CYP46A1: variants seen among roughly 807,000 people sequenced by gnomAD.
CYP46A1 encodes the protein cytochrome P450 family 46 subfamily A member 1, also known as cholesterol 24-hydroxylase.
CYP46A1 carries 20 observed loss-of-function variants against 63.3 expected under a neutral mutation model. That is an observed-to-expected ratio of 0.32 (90% confidence interval 0.22 to 0.46). The LOEUF (loss-of-function observed/expected upper bound fraction) is 0.46, where lower values mean the gene tolerates loss of function less well. Ranked by LOEUF, CYP46A1 falls within the 20% of genes least tolerant of loss-of-function variation. The pLI is 1.00. For synonymous variants in CYP46A1, 268 were observed against 273.6 expected (o/e 0.98, Z 0.20); for missense variants, 445 against 670.8 (o/e 0.66, Z 3.72).
intron 1 of CYP46A1, among the ~76,000 whole-genome samples, chr14:99,685,548 A>C (rs2056486837): frequency 2.0e-5 from 3 of 151,780 alleles, no homozygotes; most frequent in Admixed American, 6.6e-5. Flanking sequence ...GAGGACAGGG[A>C]CACTCTGTGT....
intron 3 of CYP46A1, among the ~76,000 whole-genome samples, chr14:99,694,226 CAA>C (rs2056567255): frequency 6.6e-6 from 1 of 151,544 alleles, no homozygotes. Context: ...TCACATATTT[CAA>C]GAGATCTGTT....
chr14:99,707,737 G>A (rs1372615225), intron 7 of CYP46A1, 59 bp downstream of exon 7: 10 of 1,451,180 alleles, frequency 6.9e-6, no homozygotes, highest in Non-Finnish European at 8.6e-6. Context: ...TTCATTTGCT[G>A]AAGAACCTCC....
intron 5 of CYP46A1, 152 bp from the exon 6 acceptor site, chr14:99,706,495 T>C: frequency 1.1e-6 from 1 of 934,612 alleles, no homozygotes; most frequent in Non-Finnish European, 1.6e-6. Flanking sequence ...AACTCCAACC[T>C]GCAATCTGGG....
In CYP46A1 at chr14:99,722,976, C is replaced by T. The variant is rs754458365; in HGVS notation, c.1176+910C>T. The T allele has an allele frequency of 4.2e-4, 184 of 435,136 alleles. No individual in the cohort carries two copies. The highest frequency in any genetic ancestry group is 9.9e-4 in the Middle Eastern group (3 of 3,032). The allele number at this position is 435,136 out of a possible 1,614,324, so 27.0% of individuals were successfully genotyped here. ...CTGACTGTTCAGCTTTACAAACGAA[C>T]GCCACATTGTTTTCCAAAGTGGCTG... On this transcript the variant is annotated intron_variant, in intron 12 of 14. Transcript: ENST00000261835. The surrounding 1 kb of genome is among the most constrained non-coding windows in gnomAD (Gnocchi z 4.6).
At chr14:99,689,538 A>G (rs1463043744) in intron 1 of CYP46A1, among the ~76,000 whole-genome samples, 1 of 152,132 alleles carries the variant, frequency 6.6e-6, no homozygotes, top group East Asian at 1.9e-4. Flanking sequence ...CGGCCCTGGC[A>G]AATTGCAGGG....
chr14:99,703,567 C>T, intron 5 of CYP46A1: 3 of 985,268 alleles, frequency 3.0e-6, no homozygotes, highest in Non-Finnish European at 3.6e-6. Context: ...GGCATCTCTG[C>T]TGTTCCCACT....
chr14:99,685,318 C>CG (rs1477534932), intron 1 of CYP46A1, among the ~76,000 whole-genome samples: 1 of 5,690 alleles, frequency 1.8e-4, no homozygotes, highest in Non-Finnish European at 7.5e-4. Context: ...CCTCCCCCCG[C>CG]CCCCCCCGCA....
chr14:99,718,224 A>T, intron 10 of CYP46A1, 98 bp downstream of exon 10: 1 of 990,796 alleles, frequency 1.0e-6, no homozygotes, highest in Admixed American at 1.9e-5. Context: ...TCCCCTCAAC[A>T]TGCCCTGCTT....
intron 7 of CYP46A1, among the ~76,000 whole-genome samples, chr14:99,714,986 T>C (rs1052526909): frequency 6.6e-6 from 1 of 152,106 alleles, no homozygotes; most frequent in African/African-American, 2.4e-5. Context: ...TAATGATAGT[T>C]ACTAGAGGCT....
chr14:99,714,615 C>G (rs185597921), intron 7 of CYP46A1, among the ~76,000 whole-genome samples: 94 of 152,056 alleles, frequency 6.2e-4, no homozygotes, highest in African/African-American at 2.1e-3. Context: ...AAAAAATTAG[C>G]CAGGCATGGT....
intron 3 of CYP46A1, among the ~76,000 whole-genome samples, chr14:99,697,720 A>C (rs1421207512): frequency 6.6e-6 from 1 of 152,210 alleles, no homozygotes; most frequent in Non-Finnish European, 1.5e-5. Flanking sequence ...CAGAGGAAGC[A>C]GCAAGGCACT....
Position 99,684,674 on chromosome 14 carries a change from G to C in CYP46A1, c.119+138G>C, listed in dbSNP as rs1223879762. ...GCTGGGAGTCGGCGGCCCCGAGAGG[G>C]GCGCTAACTATTCTTAGTAACAAAT... On this transcript the variant is annotated intron_variant, in intron 1 of 14. Transcript: ENST00000261835. 3 of 715,612 alleles carry C rather than the reference G, an allele frequency of 4.2e-6. No homozygotes were observed. In the African/African-American group the frequency reaches 5.3e-5, roughly 13 times the overall value. The allele number at this position is 715,612 out of a possible 1,614,324, so 44.3% of individuals were successfully genotyped here.
chr14:99,688,880 G>T (rs1595182830), intron 1 of CYP46A1, among the ~76,000 whole-genome samples: 2 of 152,136 alleles, frequency 1.3e-5, no homozygotes, highest in South Asian at 4.2e-4. Flanking sequence ...CAGCAGCCTG[G>T]GCAGAGCCGA....
Position 99,722,676 on chromosome 14 carries a change from T to C in CYP46A1, c.1176+610T>C, listed in dbSNP as rs192679732. Among the ~76,000 whole-genome samples, 370 of 150,028 alleles carry C rather than the reference T, an allele frequency of 2.5e-3. 3 individuals carry two copies. The highest frequency in any genetic ancestry group is 8.7e-3 in the African/African-American group (350 of 40,358). On this transcript the variant is annotated intron_variant, in intron 12 of 14. Coordinates refer to ENST00000261835, the MANE Select transcript of CYP46A1 (RefSeq NM_006668.2). This position sits in a 1 kb window ranked among gnomAD's most constrained non-coding sequence, Gnocchi z 4.6. ...GTGTGTGTGTGTGTGTGTGTGTGTG[T>C]GTGCCTGTGTGCATTCACGCAGTAA...
chr14:99,695,999 A>G (rs2056584491), intron 3 of CYP46A1, among the ~76,000 whole-genome samples: 1 of 152,054 alleles, frequency 6.6e-6, no homozygotes, highest in Non-Finnish European at 1.5e-5. Context: ...CTTTTAACCT[A>G]TCTGCATTTT....
intron 5 of CYP46A1, among the ~76,000 whole-genome samples, chr14:99,703,310 G>A (rs2056647946): frequency 6.6e-6 from 1 of 152,152 alleles, no homozygotes; most frequent in Non-Finnish European, 1.5e-5. Flanking sequence ...CAGAACTCTT[G>A]CTACAGCCTC....
chr14:99,724,007 T>G (rs1414423382), intron 12 of CYP46A1, among the ~76,000 whole-genome samples: 1 of 152,196 alleles, frequency 6.6e-6, no homozygotes, highest in Non-Finnish European at 1.5e-5. Flanking sequence ...GGTTGGTTTC[T>G]TCTGAGGGCT....
chr14:99,724,621 G>GT (rs1360968633), intron 12 of CYP46A1, among the ~76,000 whole-genome samples: 1 of 151,894 alleles, frequency 6.6e-6, no homozygotes, highest in East Asian at 2.0e-4. Flanking sequence ...TCTTTGTTAG[G>GT]TGGGGGGAGT....
At chr14:99,710,543 T>A (rs892779241) in intron 7 of CYP46A1, 1 of 152,030 alleles carries the variant, frequency 6.6e-6, no homozygotes, top group Non-Finnish European at 1.5e-5. Flanking sequence ...TTATATCAAA[T>A]AAAACAGACT....
Sources: allele counts gnomAD v4.1 joint callset (sites outside exome capture counted in the v4.1 genomes callset), GRCh38; gene constraint gnomAD v4.1.1; non-coding constraint Gnocchi (gnomAD v3.1); transcripts MANE v1.5; gene names NCBI Gene and HGNC (gene_info 2026-07-23, HGNC 2026-07-21).